Variants in PDCD1 observed in about 807,000 individuals in gnomAD.
PDCD1 encodes the protein programmed cell death protein 1.
Under a neutral mutation model 23.6 loss-of-function variants are expected in PDCD1, and 10 were observed. That is an observed-to-expected ratio of 0.42 (90% CI 0.26 to 0.72). The LOEUF (loss-of-function observed/expected upper bound fraction) is 0.72, where lower values mean the gene tolerates loss of function less well. PDCD1 is among the 30% of genes least tolerant of loss of function. The probability of loss-of-function intolerance (pLI) is 0.24; values close to 1 mark genes in which losing one functional copy is unlikely to be tolerated. For synonymous variants in PDCD1, 168 were observed against 169.3 expected (o/e 0.99, Z 0.06); for missense variants, 313 against 397.8 (o/e 0.79, Z 1.81).
chr2:241,855,125 C>A (rs536859261), intron 1 of PDCD1, among the ~76,000 whole-genome samples: 1 of 152,110 alleles, frequency 6.6e-6, no homozygotes, highest in African/African-American at 2.4e-5. Flanking sequence ...CCGCCCCCCC[C>A]AACCCCCCTA....
intron 3 of PDCD1, 99 bp downstream of exon 3, chr2:241,852,099 G>T: frequency 7.0e-7 from 1 of 1,436,290 alleles, no homozygotes. Flanking sequence ...ATGGGGGGAG[G>T]TGGGGTGGGG....
chr2:241,856,326 C>T (rs1701026686), intron 1 of PDCD1, among the ~76,000 whole-genome samples: 2 of 152,318 alleles, frequency 1.3e-5, no homozygotes, highest in South Asian at 2.1e-4. Context: ...CCTCAGTCGG[C>T]GAGAGGGCAG....
chr2:241,850,916 G>T lies in PDCD1; in HGVS notation c.*142C>A. The T allele has an allele frequency of 9.6e-7, 1 of 1,044,554 alleles. No homozygotes were observed. The highest frequency in any genetic ancestry group is 1.4e-6 in the Non-Finnish European group (1 of 731,344). 64.7% of individuals were successfully genotyped at this position (1,044,554 alleles called of 1,614,324 possible). Reference sequence around the variant, plus strand: ...GGGGCTGTGCCTGGTGCAGGTGCAGGCTGGAGCCCCGGTCGCCCCCAGGCA... The same window carrying T: ...GGGGCTGTGCCTGGTGCAGGTGCAGTCTGGAGCCCCGGTCGCCCCCAGGCA... On this transcript the variant is annotated 3_prime_UTR_variant, in exon 5 of 5. Transcript: ENST00000334409.
Position 241,852,625 on chromosome 2 carries a change from C to T in PDCD1, c.432G>A (p.Val144=), listed in dbSNP as rs776298430. The T allele has an allele frequency of 1.6e-5, 25 of 1,609,888 alleles. No homozygotes were observed. Among genetic ancestry groups the T allele is most frequent in the South Asian group, 1.3e-4 (12 of 91,030 alleles). ...IKESLRAELR[V]TERRAEVPTA... ...CCGGGGCCTCCGAGGCCGCACCTGT[C>T]ACCCTGAGCTCTGCCCGCAGGCTCT... is the stretch of plus-strand genomic sequence containing the variant. The change falls in exon 2 of 5, where the codon GTG becomes GTA. Residue 144 remains valine (V), a synonymous_variant. Coordinates refer to ENST00000334409, the MANE Select transcript of PDCD1 (RefSeq NM_005018.3).
In PDCD1 at chr2:241,852,791, G is replaced by C. The variant is rs1214961588; in HGVS notation, c.266C>G (p.Pro89Arg). 1.2e-6 allele frequency: 2 copies of C among 1,613,628 alleles called. No individual in the cohort carries two copies. Among genetic ancestry groups the C allele is most frequent in the South Asian group, 1.1e-5 (1 of 91,082 alleles). Residue 89 changes from proline (P) to arginine (R), a missense_variant, in exon 2 of 5, where the codon CCC becomes CGC. Coordinates refer to ENST00000334409, the MANE Select transcript of PDCD1 (RefSeq NM_005018.3). ...GACACGGAAGCGGCAGTCCTGGCCG[G>C]GCTGGCTGCGGTCCTCGGGGAAGGC... The part of the protein sequence containing the change: ...LAAFPEDRSQ[P>R]GQDCRFRVTQ...
rs749156039 is a variant in PDCD1 at position 241,852,830 on chromosome 2, G to C, written c.227C>G (p.Thr76Arg). Reference protein sequence around the residue: ...NWYRMSPSNQTDKLAAFPEDR... With the variant: ...NWYRMSPSNQRDKLAAFPEDR... Reference sequence around the variant, plus strand: ...CTCGGGGAAGGCGGCCAGCTTGTCCGTCTGGTTGCTGGGGCTCATGCGGTA... The same window carrying C: ...CTCGGGGAAGGCGGCCAGCTTGTCCCTCTGGTTGCTGGGGCTCATGCGGTA... The change falls in exon 2 of 5, where the codon ACG becomes AGG. Residue 76 changes from threonine to arginine, a missense_variant. By Grantham distance (71) the Thr-to-Arg change is moderately conservative. Coordinates refer to ENST00000334409, the MANE Select transcript of PDCD1 (RefSeq NM_005018.3). 1 of 1,611,708 alleles carries C rather than the reference G, an allele frequency of 6.2e-7. No individual in the cohort carries two copies. The highest frequency in any genetic ancestry group is 8.5e-7 in the Non-Finnish European group (1 of 1,179,988).
chr2:241,851,294 CCTT>C lies in PDCD1; in HGVS notation c.628_630del (p.Lys210del). On this transcript the variant is annotated inframe_deletion and splice_region_variant, in exon 5 of 5. Coordinates refer to ENST00000334409, the MANE Select transcript of PDCD1 (RefSeq NM_005018.3). Reference sequence around the variant, plus strand: ...AACACAGGCACGGCTGAGGGGTCCTCCTTCTTTGAGGAGAAAGGGAGAGGGAGT... The same window carrying C: ...AACACAGGCACGGCTGAGGGGTCCTCCTTTGAGGAGAAAGGGAGAGGGAGT... 6 of 1,605,648 alleles carry C rather than the reference CCTT, an allele frequency of 3.7e-6. No homozygotes were observed. The highest frequency in any genetic ancestry group is 1.7e-4 in the Middle Eastern group (1 of 6,010).
intron 1 of PDCD1, among the ~76,000 whole-genome samples, chr2:241,855,301 G>A (rs1018245106): frequency 1.3e-5 from 2 of 152,146 alleles, no homozygotes; most frequent in African/African-American, 4.8e-5. Context: ...CACCCAGTGT[G>A]GGGGTGCTGG....
chr2:241,855,539 G>C (rs1299858921), intron 1 of PDCD1, among the ~76,000 whole-genome samples: 2 of 152,246 alleles, frequency 1.3e-5, no homozygotes, highest in Non-Finnish European at 2.9e-5. Context: ...TGATGAGAGA[G>C]GGCTGTGCCC....
intron 1 of PDCD1, among the ~76,000 whole-genome samples, chr2:241,858,518 C>T (rs1253505890): frequency 1.4e-5 from 2 of 138,404 alleles, no homozygotes; most frequent in Admixed American, 9.0e-5. Context: ...CCCAGGAGTT[C>T]GAGCTGCCCA....
At chr2:241,857,538 G>A (rs1414246062) in intron 1 of PDCD1, among the ~76,000 whole-genome samples, 2 of 138,934 alleles carry the variant, frequency 1.4e-5, no homozygotes, top group Non-Finnish European at 3.0e-5. Context: ...TGGTTCCCCC[G>A]CAGTCGTCTC....
At chr2:241,852,084 G>C in intron 3 of PDCD1, 101 bp from the exon 4 acceptor site, 3 of 1,427,030 alleles carry the variant, frequency 2.1e-6, no homozygotes, top group Non-Finnish European at 2.8e-6. Context: ...TAGCCTGGCG[G>C]GGAGATGGGG....
chr2:241,855,622 G>T (rs1701005469), intron 1 of PDCD1, among the ~76,000 whole-genome samples: 1 of 152,296 alleles, frequency 6.6e-6, no homozygotes, highest in East Asian at 1.9e-4. Flanking sequence ...CGGTGGGGGT[G>T]CTCCCGCAGA....
chr2:241,850,622 C>T lies in PDCD1; in HGVS notation c.*436G>A. The T allele has an allele frequency of 2.2e-6, 1 of 448,824 alleles. No homozygotes were observed. 27.8% of individuals were successfully genotyped at this position (448,824 alleles called of 1,614,324 possible). On this transcript the variant is annotated 3_prime_UTR_variant, in exon 5 of 5. Transcript: ENST00000334409. Reference sequence around the variant, plus strand: ...CGTTTCGGGATGCCACTGCCAGGGGCACCTTGGCTGCTCCAAGGCCATCTC... The same window carrying T: ...CGTTTCGGGATGCCACTGCCAGGGGTACCTTGGCTGCTCCAAGGCCATCTC...
chr2:241,851,138 C>A lies in PDCD1; in HGVS notation c.787G>T (p.Ala263Ser), dbSNP rs143359677. 6.2e-6 allele frequency: 10 copies of A among 1,613,210 alleles called. No individual in the cohort carries two copies. Among genetic ancestry groups the A allele is most frequent in the Non-Finnish European group, 8.5e-6 (10 of 1,179,952 alleles). ...GGGCCGTCAGCTGAGCCCCTGCGGG[C>A]GGGGGATGAGGTGCCCATTCCGCTA... is the stretch of plus-strand genomic sequence containing the variant. The part of the protein sequence containing the change: ...FPSGMGTSSP[A>S]RRGSADGPRS... Residue 263 changes from alanine to serine, a missense_variant, in exon 5 of 5, where the codon GCC becomes TCC. Physicochemically the swap from Ala to Ser is moderately conservative, Grantham distance 99 (BLOSUM62 1). Coordinates refer to ENST00000334409, the MANE Select transcript of PDCD1 (RefSeq NM_005018.3).
chr2:241,856,199 A>G (rs1327804596), intron 1 of PDCD1, among the ~76,000 whole-genome samples: 2 of 151,936 alleles, frequency 1.3e-5, no homozygotes, highest in Non-Finnish European at 2.9e-5. Flanking sequence ...CTGCATGTCC[A>G]GCCCCCCACG....
chr2:241,852,525 C>A, intron 2 of PDCD1, 96 bp downstream of exon 2: 1 of 1,439,372 alleles, frequency 6.9e-7, no homozygotes, highest in Non-Finnish European at 9.4e-7. Flanking sequence ...GGGGTCCCTG[C>A]CCTACGACCC....
intron 1 of PDCD1, 118 bp downstream of exon 1, chr2:241,858,645 G>T (rs981053245): frequency 2.4e-6 from 2 of 845,544 alleles, no homozygotes; most frequent in Non-Finnish European, 1.9e-6. Flanking sequence ...CTCGCTCCGG[G>T]ACCCCTGGGC....
At chr2:241,857,434 G>A (rs879676402) in intron 1 of PDCD1, among the ~76,000 whole-genome samples, 31 of 152,180 alleles carry the variant, frequency 2.0e-4, no homozygotes, top group African/African-American at 3.1e-4. Context: ...TCCCGAGGGC[G>A]TGCCTGAAGA....
Sources: allele counts gnomAD v4.1 joint callset (sites outside exome capture counted in the v4.1 genomes callset), GRCh38; gene constraint gnomAD v4.1.1; transcripts MANE v1.5; gene names NCBI Gene and HGNC (gene_info 2026-07-23, HGNC 2026-07-21).